Variants in MIPOL1 observed in about 807,000 individuals in gnomAD.
MIPOL1 encodes the protein mirror-image polydactyly 1.
In MIPOL1, 57 loss-of-function variants were observed where a neutral mutation model predicts 60.9. The observed-to-expected ratio is 0.94, with a 90% confidence interval of 0.76 to 1.17. The LOEUF is 1.17. Among genes scored for constraint, MIPOL1 ranks in the 50% most tolerant of loss-of-function variants. MIPOL1 has a pLI of 0.00. For missense variants in MIPOL1, 551 were observed against 511.6 expected (o/e 1.08, Z -0.74); for synonymous variants, 179 against 168.8 (o/e 1.06, Z -0.47).
chr14:37,412,493 T>C (rs557790208), intron 10 of MIPOL1, among the ~76,000 whole-genome samples: 3 of 152,064 alleles, frequency 2.0e-5, no homozygotes, highest in Non-Finnish European at 4.4e-5. Flanking sequence ...TATAATTGTA[T>C]ACAATAAGGA....
At position 37,346,610 on chromosome 14, in the gene MIPOL1, C is replaced by T. The variant is rs140922202; in HGVS notation, c.829-22907C>T. On this transcript the variant is annotated intron_variant, in intron 9 of 12. Transcript: ENST00000684589. ...AGAAAAGTTGAAGAAAGAGAAAGACCATGAGGATTAAAAATTGAGAGGAAA... is the reference window on the plus strand; with the variant it reads ...AGAAAAGTTGAAGAAAGAGAAAGACTATGAGGATTAAAAATTGAGAGGAAA... 7.7e-4 allele frequency among the ~76,000 whole-genome samples: 117 copies of T among 152,064 alleles called. 4 individuals are homozygous for T. The East Asian group carries it at 0.014, about 18-fold the overall frequency.
chr14:37,209,641 C>G (rs1429169629), intron 1 of MIPOL1, among the ~76,000 whole-genome samples: 1 of 152,138 alleles, frequency 6.6e-6, no homozygotes, highest in African/African-American at 2.4e-5. Context: ...TCCTGGGTGA[C>G]AGAGCAAGAC....
At chr14:37,485,295 G>C (rs917011464) in intron 11 of MIPOL1, among the ~76,000 whole-genome samples, 5 of 152,250 alleles carry the variant, frequency 3.3e-5, no homozygotes, top group Non-Finnish European at 2.9e-5. Flanking sequence ...GTAAACATAC[G>C]TGTGCATGTG....
Position 37,547,979 on chromosome 14 carries a change from T to C in MIPOL1, c.*1008T>C, listed in dbSNP as rs762768754. The C allele has an allele frequency of 2.0e-5, 3 of 152,102 alleles. No homozygotes were observed. The highest frequency in any genetic ancestry group is 4.4e-5 in the Non-Finnish European group (3 of 67,940). The allele number at this position is 152,102 out of a possible 1,614,324, so 9.4% of individuals were successfully genotyped here. ...TTCCAGAAATAAGATAGTTACAGCA[T>C]AGCAGTCATATGAAGTTATGAATAG... On this transcript the variant is annotated 3_prime_UTR_variant, in exon 13 of 13. Transcript: ENST00000684589.
intron 10 of MIPOL1, among the ~76,000 whole-genome samples, chr14:37,398,858 A>G (rs569995423): frequency 6.6e-6 from 1 of 152,304 alleles, no homozygotes; most frequent in African/African-American, 2.4e-5. Flanking sequence ...ATAAATGAGG[A>G]AAGTCTAGTC....
At chr14:37,320,574 G>A in intron 9 of MIPOL1, among the ~76,000 whole-genome samples, 1 of 151,878 alleles carries the variant, frequency 6.6e-6, no homozygotes, top group South Asian at 2.1e-4. Context: ...TCTTAATGCT[G>A]TCTTTTGATG....
At chr14:37,340,847 C>G (rs899180100) in intron 9 of MIPOL1, among the ~76,000 whole-genome samples, 6 of 152,162 alleles carry the variant, frequency 3.9e-5, no homozygotes, top group African/African-American at 1.2e-4. Context: ...CACTTACTCA[C>G]TCACCCAGAG....
At chr14:37,533,718 A>G (rs1023965826) in intron 12 of MIPOL1, among the ~76,000 whole-genome samples, 6 of 152,168 alleles carry the variant, frequency 3.9e-5, no homozygotes, top group African/African-American at 1.4e-4. Flanking sequence ...GATCATTGAA[A>G]TGGTTGGCAT....
chr14:37,502,744 A>G (rs1424452582), intron 12 of MIPOL1: 5 of 152,232 alleles, frequency 3.3e-5, no homozygotes, highest in Admixed American at 1.3e-4. Flanking sequence ...CTCACCAGCA[A>G]TGGAACAAAG....
Position 37,500,134 on chromosome 14 carries a change from C to G in MIPOL1, c.1258C>G (p.Gln420Glu). The G allele has an allele frequency of 6.3e-7, 1 of 1,592,968 alleles. No individual in the cohort carries two copies. Among genetic ancestry groups the G allele is most frequent in the Non-Finnish European group, 8.6e-7 (1 of 1,167,274 alleles). ...EASQVANEKV[Q>E]KLERLVDVLR... is the part of the protein sequence containing the mutation. ...CTCCCAAGTGGCCAATGAAAAAGTT[C>G]AAAAGTAAGTTAAATGATCTTGTAA... The change falls in exon 12 of 13, where the codon CAA becomes GAA. Residue 420 changes from glutamine (Q) to glutamate (E), a missense_variant. Transcript: ENST00000684589.
At chr14:37,347,690 G>GA (rs2091042838) in intron 9 of MIPOL1, among the ~76,000 whole-genome samples, 1 of 152,130 alleles carries the variant, frequency 6.6e-6, no homozygotes, top group Non-Finnish European at 1.5e-5. Context: ...CAACCATTGA[G>GA]AAAAAACATA....
chr14:37,358,227 T>G (rs1367038368), intron 9 of MIPOL1, among the ~76,000 whole-genome samples: 1 of 152,220 alleles, frequency 6.6e-6, no homozygotes, highest in African/African-American at 2.4e-5. Context: ...ATTTTCTTAA[T>G]CCAGTCTATT....
chr14:37,357,285 C>G (rs1265935565), intron 9 of MIPOL1, among the ~76,000 whole-genome samples: 1 of 152,138 alleles, frequency 6.6e-6, no homozygotes, highest in Admixed American at 6.6e-5. Context: ...TTGATTGTTT[C>G]CTATGCTGTG....
chr14:37,386,981 A>G (rs1485015605), intron 10 of MIPOL1, among the ~76,000 whole-genome samples: 1 of 151,942 alleles, frequency 6.6e-6, no homozygotes, highest in Non-Finnish European at 1.5e-5. Context: ...GCTATTATCT[A>G]TTATACCTAT....
chr14:37,313,919 T>C (rs2087611030), intron 9 of MIPOL1, among the ~76,000 whole-genome samples: 1 of 152,132 alleles, frequency 6.6e-6, no homozygotes, highest in Admixed American at 6.6e-5. Flanking sequence ...CCTTCAACCT[T>C]TCCTTGGGTT....
chr14:37,490,055 ACCC>A lies in MIPOL1; in HGVS notation c.1032-9851_1032-9849del, dbSNP rs566652624. ...GTCTGCTGAAGCTGTGCCCACAGCC[ACCC>A]CTTCCCCAGGTGCTCTGTCCCAGGG... On this transcript the variant is annotated intron_variant, in intron 11 of 12. Transcript: ENST00000684589. Among the ~76,000 whole-genome samples, 49 of 152,196 alleles carry A rather than the reference ACCC, an allele frequency of 3.2e-4. 2 individuals are homozygous for A. The highest frequency in any genetic ancestry group is 1.1e-3 in the African/African-American group (45 of 41,542).
intron 12 of MIPOL1, among the ~76,000 whole-genome samples, chr14:37,531,470 ATATT>A (rs1410165107): frequency 6.6e-6 from 1 of 152,070 alleles, no homozygotes; most frequent in Admixed American, 6.5e-5. Flanking sequence ...AAAAATATAT[ATATT>A]AATATATTAC....
intron 12 of MIPOL1, chr14:37,505,499 A>G (rs1566736823): frequency 6.6e-6 from 1 of 152,254 alleles, no homozygotes; most frequent in Non-Finnish European, 1.5e-5. Context: ...ACCAATGACA[A>G]AAACCACATG....
At chr14:37,203,671 G>A (rs933256620) in intron 1 of MIPOL1, among the ~76,000 whole-genome samples, 3 of 152,178 alleles carry the variant, frequency 2.0e-5, no homozygotes, top group African/African-American at 7.2e-5. Context: ...CCTTGAGGAA[G>A]TCAGCTGTCA....
Sources: allele counts gnomAD v4.1 joint callset (sites outside exome capture counted in the v4.1 genomes callset), GRCh38; gene constraint gnomAD v4.1.1; transcripts MANE v1.5; gene names NCBI Gene and HGNC (gene_info 2026-07-23, HGNC 2026-07-21).